Variants in RIMS2 observed in about 807,000 individuals in gnomAD.
RIMS2 encodes regulating synaptic membrane exocytosis 2.
Under a neutral mutation model 174.4 loss-of-function variants are expected in RIMS2, and 59 were observed. That is an observed-to-expected ratio of 0.34 (90% CI 0.27 to 0.42). The LOEUF (loss-of-function observed/expected upper bound fraction) is 0.42, where lower values mean the gene tolerates loss of function less well. RIMS2 is among the 10% of genes least tolerant of loss of function. The probability of loss-of-function intolerance (pLI) is 1.00; values close to 1 mark genes in which losing one functional copy is unlikely to be tolerated. For synonymous variants in RIMS2, 606 were observed against 572.5 expected (o/e 1.06, Z -0.84); for missense variants, 1,620 against 1,666.3 (o/e 0.97, Z 0.48).
At chr8:103,700,110 T>C (rs371312957) in intron 2 of RIMS2, among the ~76,000 whole-genome samples, 137 of 152,286 alleles carry the variant, frequency 9.0e-4, no homozygotes, top group African/African-American at 3.2e-3. Flanking sequence ...GTCATTTAAA[T>C]CTGTTATCTC....
At chr8:103,811,518 C>T (rs958383568) in intron 3 of RIMS2, among the ~76,000 whole-genome samples, 3 of 152,178 alleles carry the variant, frequency 2.0e-5, no homozygotes, top group Admixed American at 6.5e-5. Context: ...GATCTTGGCT[C>T]ACTGCAACCT....
chr8:103,829,365 T>C (rs973396455), intron 3 of RIMS2, among the ~76,000 whole-genome samples: 3 of 152,174 alleles, frequency 2.0e-5, no homozygotes, highest in African/African-American at 7.2e-5. Context: ...CATTACTGGG[T>C]ATATACCCAA....
chr8:103,828,248 T>A (rs1157235836), intron 3 of RIMS2, among the ~76,000 whole-genome samples: 1 of 152,198 alleles, frequency 6.6e-6, no homozygotes, highest in Non-Finnish European at 1.5e-5. Context: ...GGATGAACAG[T>A]TGGTATCAAG....
At chr8:104,006,200 A>G (rs548087371) in intron 17 of RIMS2, among the ~76,000 whole-genome samples, 1 of 152,114 alleles carries the variant, frequency 6.6e-6, no homozygotes, top group African/African-American at 2.4e-5. Context: ...TTGTATTTCA[A>G]TCTTTCTTCC....
chr8:104,217,835 G>A (rs2099137524), intron 19 of RIMS2, among the ~76,000 whole-genome samples: 1 of 152,140 alleles, frequency 6.6e-6, no homozygotes. Context: ...TTTTAAGTCA[G>A]TTTAAAAATA....
intron 2 of RIMS2, among the ~76,000 whole-genome samples, chr8:103,750,130 A>T (rs1488498089): frequency 6.6e-6 from 1 of 152,096 alleles, no homozygotes; most frequent in African/African-American, 2.4e-5. Flanking sequence ...AATCTGGCCC[A>T]ACTGGATTCA....
chr8:103,500,753 C>A, exon 1 of RIMS2: 1 of 552,712 alleles, frequency 1.8e-6, no homozygotes, highest in Non-Finnish European at 3.2e-6. Context: ...GGGGGGCTGT[C>A]GCCTTGGATT....
chr8:103,603,216 C>T (rs974493636), intron 1 of RIMS2, among the ~76,000 whole-genome samples: 14 of 145,166 alleles, frequency 9.6e-5, no homozygotes. Context: ...TCTCATTGTT[C>T]AATTCCCACC....
chr8:104,232,089 T>G (rs1040274694), intron 19 of RIMS2, among the ~76,000 whole-genome samples: 1 of 152,188 alleles, frequency 6.6e-6, no homozygotes, highest in Non-Finnish European at 1.5e-5. Context: ...AAAAATCATA[T>G]AGTTGGGAAT....
rs996698132 is a variant in RIMS2, at chr8:104,198,254, T to A, written c.3335-46662T>A. Among the ~76,000 whole-genome samples, 3 of 151,814 alleles carry A rather than the reference T, an allele frequency of 2.0e-5. No individual in the cohort carries two copies. In the East Asian group the frequency reaches 5.8e-4, roughly 29 times the overall value. The stretch of plus-strand genomic sequence containing the variant: ...CAAATTCTTCTGAGTGCTGGCAGAG[T>A]CGCAAAAAGAGACACTCCGTGTTTC... On this transcript the variant is annotated intron_variant, in intron 19 of 23. Transcript: ENST00000504942.
chr8:103,909,827 T>C (rs1026587005), intron 4 of RIMS2, among the ~76,000 whole-genome samples: 2 of 152,040 alleles, frequency 1.3e-5, no homozygotes, highest in African/African-American at 4.8e-5. Flanking sequence ...AGCATATACA[T>C]TTTTTGTTTC....
At chr8:103,901,596 C>T (rs2073132128) in intron 4 of RIMS2, among the ~76,000 whole-genome samples, 1 of 151,954 alleles carries the variant, frequency 6.6e-6, no homozygotes, top group Non-Finnish European at 1.5e-5. Context: ...TTCTTAAGCT[C>T]CTATTTGTAC....
intron 19 of RIMS2, among the ~76,000 whole-genome samples, chr8:104,074,182 A>T (rs1598282929): frequency 6.6e-6 from 1 of 152,294 alleles, no homozygotes; most frequent in African/African-American, 2.4e-5. Flanking sequence ...CAAAAATTTA[A>T]TGTAAGTCAG....
chr8:104,248,924 TCTCCCTCTA>T, intron 21 of RIMS2, 111 bp downstream of exon 27: 1 of 548,272 alleles, frequency 1.8e-6, no homozygotes, highest in East Asian at 3.0e-5. Context: ...TCCCTCTCTC[TCTCCCTCTA>T]TTTTTTTTTT....
chr8:104,068,592 G>C (rs1234206370), intron 19 of RIMS2: 1 of 1,554,662 alleles, frequency 6.4e-7, no homozygotes, highest in African/African-American at 1.4e-5. Context: ...TCCCAGACTG[G>C]AACAAGATTA....
chr8:103,989,245 C>A (rs1225421902), intron 16 of RIMS2, 60 bp from the exon 19 acceptor site: 2 of 1,020,676 alleles, frequency 2.0e-6, no homozygotes, highest in Non-Finnish European at 3.0e-6. Context: ...TTAAAATAAA[C>A]CTCGTTTCTT....
exon 4 of RIMS2, chr8:103,885,505 G>C: frequency 1.2e-6 from 2 of 1,612,564 alleles, no homozygotes; most frequent in Non-Finnish European, 1.7e-6. Flanking sequence ...GAAGTCATAG[G>C]CATTCCAAAG....
rs1276760692 is a variant in RIMS2 at position 103,975,259 on chromosome 8, T to C, written c.2771-91T>C. 4.1e-6 allele frequency: 3 copies of C among 730,864 alleles called. No individual in the cohort carries two copies. The Admixed American group carries it at 8.8e-5, about 21-fold the overall frequency. The allele number at this position is 730,864 out of a possible 1,614,324, so 45.3% of individuals were successfully genotyped here. ...TTAATATATTAGAAGTCTTTAAATT[T>C]CACCAACATTTTGTTTTTGAGTAAA... is the stretch of plus-strand genomic sequence containing the variant. On this transcript the variant is annotated intron_variant, in intron 15 of 23. Transcript: ENST00000504942.
chr8:104,144,370 T>C (rs1477012146), intron 19 of RIMS2, among the ~76,000 whole-genome samples: 1 of 152,130 alleles, frequency 6.6e-6, no homozygotes, highest in East Asian at 1.9e-4. Context: ...CAACACTCAA[T>C]CTATTGTGTA....
Sources: allele counts gnomAD v4.1 joint callset (sites outside exome capture counted in the v4.1 genomes callset), GRCh38; gene constraint gnomAD v4.1.1; transcripts MANE v1.5; gene names NCBI Gene and HGNC (gene_info 2026-07-23, HGNC 2026-07-21).